THEMIS: variants seen among roughly 807,000 people sequenced by gnomAD.
THEMIS encodes thymocyte selection associated.
Under a neutral mutation model 52.6 loss-of-function variants are expected in THEMIS, and 37 were observed. That is an observed-to-expected ratio of 0.70 (90% CI 0.54 to 0.93). The LOEUF is 0.93. Among genes scored for constraint, THEMIS ranks in the 40% least tolerant of loss-of-function variants. The probability of loss-of-function intolerance (pLI) is 0.00; values close to 1 mark genes in which losing one functional copy is unlikely to be tolerated. For missense variants in THEMIS, 808 were observed against 763.1 expected, an observed-to-expected ratio of 1.06 and a Z score of -0.69; for synonymous variants, 292 against 272.7, an observed-to-expected ratio of 1.07 and a Z score of -0.70.
At chr6:127,740,606 G>A (rs1053755095) in intron 4 of THEMIS, among the ~76,000 whole-genome samples, 4 of 152,068 alleles carry the variant, frequency 2.6e-5, no homozygotes. Flanking sequence ...GACATGCTTT[G>A]GACGACATGA....
chr6:127,710,383 C>G (rs1191770271), intron 5 of THEMIS, among the ~76,000 whole-genome samples: 1 of 151,952 alleles, frequency 6.6e-6, no homozygotes, highest in African/African-American at 2.4e-5. Flanking sequence ...ACCTGCCCAG[C>G]AATCACATAG....
chr6:127,775,685 T>C (rs1007468343), intron 4 of THEMIS, among the ~76,000 whole-genome samples: 1 of 151,948 alleles, frequency 6.6e-6, no homozygotes, highest in Non-Finnish European at 1.5e-5. Flanking sequence ...CAAAAAACGA[T>C]CTTCTGTTTT....
chr6:127,731,864 A>ATTTTTTTT (rs58263706), intron 4 of THEMIS, among the ~76,000 whole-genome samples: 1,743 of 41,670 alleles, frequency 0.042, 419 homozygotes, highest in Non-Finnish European at 0.05. Flanking sequence ...TGCCCGGCTA[A>ATTTTTTTT]TTTTTTTTTT....
At chr6:127,805,435 A>C (rs868762490) in intron 4 of THEMIS, among the ~76,000 whole-genome samples, 33 of 152,026 alleles carry the variant, frequency 2.2e-4, no homozygotes, top group African/African-American at 5.8e-4. Context: ...CGCATGCATG[A>C]ATCTTTTCTT....
chr6:127,784,962 TC>T (rs1776876775), intron 4 of THEMIS, among the ~76,000 whole-genome samples: 2 of 78,322 alleles, frequency 2.6e-5, no homozygotes, highest in African/African-American at 7.3e-5. Flanking sequence ...TATCTATCTA[TC>T]TATCTATCTA....
chr6:127,847,104 C>CA (rs959879941), intron 2 of THEMIS, among the ~76,000 whole-genome samples: 5 of 151,580 alleles, frequency 3.3e-5, no homozygotes, highest in Non-Finnish European at 7.4e-5. Flanking sequence ...TAGAAACGCT[C>CA]AAAAAAATAG....
At chr6:127,747,282 A>G (rs1775478053) in intron 4 of THEMIS, among the ~76,000 whole-genome samples, 1 of 140,874 alleles carries the variant, frequency 7.1e-6, no homozygotes, top group Non-Finnish European at 1.5e-5. Context: ...TATTACATAT[A>G]GAGATATCTA....
At chr6:127,904,215 T>A (rs1781213694), upstream of THEMIS, among the ~76,000 whole-genome samples, 1 of 152,078 alleles carries the variant, frequency 6.6e-6, no homozygotes. Flanking sequence ...GCACCACTTT[T>A]TCCCCTTAAA....
chr6:127,760,104 G>T (rs1775971886), intron 4 of THEMIS, among the ~76,000 whole-genome samples: 1 of 149,488 alleles, frequency 6.7e-6, no homozygotes, highest in African/African-American at 2.5e-5. Flanking sequence ...TTTGCATGTG[G>T]ATTTCTAGTT....
chr6:127,714,868 C>T (rs1478580995), intron 5 of THEMIS, among the ~76,000 whole-genome samples: 3 of 151,868 alleles, frequency 2.0e-5, no homozygotes, highest in Non-Finnish European at 4.4e-5. Context: ...ATATGGTACA[C>T]GGTTTTGCCT....
chr6:127,798,421 G>A (rs1777405301), intron 4 of THEMIS, among the ~76,000 whole-genome samples: 1 of 152,066 alleles, frequency 6.6e-6, no homozygotes, highest in South Asian at 2.1e-4. Context: ...AGTTACATAT[G>A]TATACATGTG....
chr6:127,905,019 A>G (rs946419961), upstream of THEMIS, among the ~76,000 whole-genome samples: 1 of 151,960 alleles, frequency 6.6e-6, no homozygotes, highest in African/African-American at 2.4e-5. Flanking sequence ...CCATAGTGGA[A>G]AGATCTTATA....
intron 2 of THEMIS, among the ~76,000 whole-genome samples, chr6:127,843,412 G>A (rs1779116054): frequency 6.6e-6 from 1 of 151,644 alleles, no homozygotes; most frequent in Non-Finnish European, 1.5e-5. Context: ...GTGGCTACTT[G>A]AATTTGGACA....
rs565997084 is a variant in THEMIS at position 127,758,510 on chromosome 6, C to T, written c.1759-38687G>A. Among the ~76,000 whole-genome samples the T allele has an allele frequency of 3.3e-5, 5 of 149,598 alleles. 1 individual carries two copies. The South Asian group carries it at 1.1e-3, about 31-fold the overall frequency. ...CCTAATGCCTCATAGGTGCCCAATACATATTTCTTGAATGAAATATGTCTT... is the reference window on the plus strand; with the variant it reads ...CCTAATGCCTCATAGGTGCCCAATATATATTTCTTGAATGAAATATGTCTT... On this transcript the variant is annotated intron_variant, in intron 4 of 5. Transcript: ENST00000368248.
chr6:127,735,658 C>T (rs1000237852), intron 4 of THEMIS, among the ~76,000 whole-genome samples: 2 of 152,162 alleles, frequency 1.3e-5, no homozygotes, highest in Non-Finnish European at 2.9e-5. Flanking sequence ...AGAACAGGAA[C>T]AATCTGCCAT....
intron 4 of THEMIS, among the ~76,000 whole-genome samples, chr6:127,792,924 G>C (rs750797134): frequency 1.3e-5 from 2 of 152,100 alleles, no homozygotes; most frequent in Non-Finnish European, 2.9e-5. Flanking sequence ...TGCTTGATTA[G>C]AAAAGTCTTG....
chr6:127,760,568 T>A (rs12665648), intron 4 of THEMIS, among the ~76,000 whole-genome samples: 10,574 of 152,082 alleles, frequency 0.07, 373 homozygotes, highest in Non-Finnish European at 0.086. Flanking sequence ...GAGGACTACT[T>A]GAGGCTAGGA....
the THEMIS span, among the ~76,000 whole-genome samples, chr6:127,703,035 G>GTTTTTTTTTTTTTTTTTT: frequency 3.8e-4 from 31 of 82,382 alleles, 3 homozygotes; most frequent in East Asian, 8.3e-4. Context: ...TTTAGAATGA[G>GTTTTTTTTTTTTTTTTTT]TTTTTTTTTT....
chr6:127,805,520 CTTCTAT>C (rs1393970975), intron 4 of THEMIS, among the ~76,000 whole-genome samples: 1 of 152,018 alleles, frequency 6.6e-6, no homozygotes, highest in African/African-American at 2.4e-5. Flanking sequence ...TTTCTACTCT[CTTCTAT>C]TTCTAAGACA....
Sources: gnomAD v4.1 joint callset for allele counts (sites outside exome capture counted in the v4.1 genomes callset) on GRCh38, gnomAD v4.1.1 for gene constraint, MANE v1.5 for transcripts, NCBI Gene and HGNC (gene_info 2026-07-23, HGNC 2026-07-21) for gene names.